The following CCDC30 variants were observed in gnomAD, a reference collection of about 807,000 sequenced individuals.
CCDC30 encodes coiled-coil domain-containing protein 30.
CCDC30 carries 70 observed loss-of-function variants against 100.2 expected under a neutral mutation model. The ratio of observed to expected loss-of-function variants is 0.70; its 90% CI spans 0.58 to 0.85. The LOEUF is 0.85. CCDC30 is among the 40% of genes least tolerant of loss of function. The pLI is 0.00. For missense variants in CCDC30, 652 were observed against 771.2 expected, an observed-to-expected ratio of 0.85 and a Z score of 1.83; for synonymous variants, 233 against 269.5, an observed-to-expected ratio of 0.86 and a Z score of 1.33.
chr1:42,650,788 A>G (rs374922735), intron 15 of CCDC30, among the ~76,000 whole-genome samples: 21 of 151,942 alleles, frequency 1.4e-4, no homozygotes, highest in African/African-American at 4.6e-4. Context: ...CATCACACTC[A>G]GCTAATTCTT....
chr1:42,478,740 C>T (rs1014786353), intron 1 of CCDC30, among the ~76,000 whole-genome samples: 16 of 151,744 alleles, frequency 1.1e-4, no homozygotes, highest in African/African-American at 3.6e-4. Flanking sequence ...GCCTGGGGAA[C>T]GGAGTGAGAT....
intron 11 of CCDC30, among the ~76,000 whole-genome samples, chr1:42,620,393 T>TA (rs1030698658): frequency 6.6e-6 from 1 of 152,072 alleles, no homozygotes; most frequent in African/African-American, 2.4e-5. Flanking sequence ...AAATGAAATG[T>TA]AAAAAAACAA....
chr1:42,540,040 C>T (rs961092570), intron 6 of CCDC30, among the ~76,000 whole-genome samples: 5 of 152,184 alleles, frequency 3.3e-5, no homozygotes, highest in African/African-American at 9.7e-5. Flanking sequence ...ATCACTATCT[C>T]CTCCTGGCTG....
intron 6 of CCDC30, among the ~76,000 whole-genome samples, chr1:42,509,889 A>G (rs1644450288): frequency 6.6e-6 from 1 of 152,192 alleles, no homozygotes; most frequent in South Asian, 2.1e-4. Flanking sequence ...AAAAAACCGT[A>G]AAACTTTTAC....
At chr1:42,465,601 G>T (rs964026556) in intron 1 of CCDC30, among the ~76,000 whole-genome samples, 5 of 152,112 alleles carry the variant, frequency 3.3e-5, no homozygotes, top group Admixed American at 2.0e-4. Flanking sequence ...CTGACCCCAG[G>T]TGATCCGCCC....
chr1:42,522,393 C>G (rs973293191), intron 6 of CCDC30, among the ~76,000 whole-genome samples: 2 of 151,980 alleles, frequency 1.3e-5, no homozygotes, highest in Non-Finnish European at 2.9e-5. Context: ...TGCTATTTGT[C>G]TTCTATATGC....
At chr1:42,498,879 C>T in exon 6 of CCDC30, 1 of 1,233,912 alleles carries the variant, frequency 8.1e-7, no homozygotes, top group Non-Finnish European at 1.0e-6. Context: ...GGAAACCACT[C>T]CCCTGGAAAA....
chr1:42,597,689 C>A (rs1297930113), intron 10 of CCDC30, among the ~76,000 whole-genome samples: 1 of 152,094 alleles, frequency 6.6e-6, no homozygotes, highest in Admixed American at 6.5e-5. Context: ...GTGGTCCCAG[C>A]TGAGTGGCCC....
intron 1 of CCDC30, among the ~76,000 whole-genome samples, chr1:42,471,284 T>C (rs1335939355): frequency 1.3e-5 from 2 of 152,102 alleles, no homozygotes; most frequent in Non-Finnish European, 2.9e-5. Flanking sequence ...CCTCCAACCT[T>C]AGACTCCCCT....
chr1:42,575,127 C>T (rs1304819749), intron 7 of CCDC30, among the ~76,000 whole-genome samples: 3 of 152,184 alleles, frequency 2.0e-5, no homozygotes, highest in African/African-American at 7.2e-5. Flanking sequence ...TAGCTATCAT[C>T]CCTGTTAATT....
At chr1:42,557,179 A>T (rs1228593486) in intron 6 of CCDC30, among the ~76,000 whole-genome samples, 1 of 152,226 alleles carries the variant, frequency 6.6e-6, no homozygotes, top group Non-Finnish European at 1.5e-5. Flanking sequence ...AAGTGATTCA[A>T]GTATACGTTT....
At chr1:42,631,886 T>C (rs988112778) in intron 11 of CCDC30, among the ~76,000 whole-genome samples, 4 of 152,096 alleles carry the variant, frequency 2.6e-5, no homozygotes, top group Non-Finnish European at 4.4e-5. Flanking sequence ...TGGGCTCCCT[T>C]CTGGCCCAGG....
intron 6 of CCDC30, among the ~76,000 whole-genome samples, chr1:42,541,919 A>C (rs545275772): frequency 1.3e-5 from 2 of 152,348 alleles, no homozygotes; most frequent in Admixed American, 1.3e-4. Flanking sequence ...GAGTATGATC[A>C]TGTAGACCAA....
At chr1:42,644,707 A>T (rs138074962) in exon 14 of CCDC30, 1 of 1,604,010 alleles carries the variant, frequency 6.2e-7, no homozygotes, top group African/African-American at 1.3e-5. Context: ...CTTTACATGG[A>T]TAAAGAAAAT....
At position 42,653,922 on chromosome 1, in the gene CCDC30, CT is replaced by C. The variant is rs1362258920; in HGVS notation, c.2028del (p.Glu677ArgfsTer14). The C allele has an allele frequency of 6.2e-7, 1 of 1,613,966 alleles. No individual in the cohort carries two copies. The highest frequency in any genetic ancestry group is 8.5e-7 in the Non-Finnish European group (1 of 1,179,948). ...AGTTCAAAGTCCCCTGAAAAGTCTCCTGAGAATCTTGTGTGTTCACAGAATT... is the reference window on the plus strand; with the variant it reads ...AGTTCAAAGTCCCCTGAAAAGTCTCCGAGAATCTTGTGTGTTCACAGAATT... On this transcript the variant is annotated frameshift_variant, in exon 17 of 17. Coordinates refer to ENST00000668663, the Ensembl canonical transcript of CCDC30. LOFTEE classifies it low-confidence loss of function (END_TRUNC).
intron 6 of CCDC30, among the ~76,000 whole-genome samples, chr1:42,541,476 C>T (rs766713199): frequency 4.6e-5 from 7 of 152,164 alleles, no homozygotes; most frequent in South Asian, 2.1e-4. Flanking sequence ...TGTTTTCTCA[C>T]GATGTAATTC....
At chr1:42,479,499 A>G (rs1643923824) in intron 1 of CCDC30, among the ~76,000 whole-genome samples, 1 of 151,656 alleles carries the variant, frequency 6.6e-6, no homozygotes, top group Admixed American at 6.6e-5. Context: ...GTGACAAGGT[A>G]ATTCAATGAG....
chr1:42,622,023 T>A (rs1382541611), intron 11 of CCDC30, among the ~76,000 whole-genome samples: 1 of 152,184 alleles, frequency 6.6e-6, no homozygotes, highest in Non-Finnish European at 1.5e-5. Context: ...CATTCTTTAT[T>A]TTTTATAGTT....
At chr1:42,536,349 C>G (rs1335365881) in intron 6 of CCDC30, 127 bp from the exon 7 acceptor site, 2 of 563,322 alleles carry the variant, frequency 3.6e-6, no homozygotes, top group Admixed American at 3.4e-5. Context: ...GAGCTATAAA[C>G]TAGTTTTCCT....
Sources: gnomAD v4.1 joint callset for allele counts (sites outside exome capture counted in the v4.1 genomes callset) on GRCh38, gnomAD v4.1.1 for gene constraint, MANE v1.5 for transcripts, NCBI Gene and HGNC (gene_info 2026-07-23, HGNC 2026-07-21) for gene names.